Variants in AP1B1 observed in about 807,000 individuals in gnomAD.
AP1B1 encodes the protein adaptor related protein complex 1 subunit beta 1.
AP1B1 carries 36 observed loss-of-function variants against 104.3 expected under a neutral mutation model. The ratio of observed to expected loss-of-function variants is 0.35; its 90% CI spans 0.26 to 0.46. The LOEUF is 0.46. Among genes scored for constraint, AP1B1 ranks in the 20% least tolerant of loss-of-function variants. The pLI, the probability that AP1B1 is intolerant of heterozygous loss-of-function variation, is 1.00. For synonymous variants in AP1B1, 504 were observed against 517.5 expected, an observed-to-expected ratio of 0.97 and a Z score of 0.35; for missense variants, 901 against 1,247.9, an observed-to-expected ratio of 0.72 and a Z score of 4.19.
At chr22:29,351,501 A>G (rs767428107) in intron 8 of AP1B1, 95 of 841,422 alleles carry the variant, frequency 1.1e-4, no homozygotes, top group Non-Finnish European at 1.6e-4. Context: ...AAGGGATGAC[A>G]GGTGATAACA....
chr22:29,382,475 C>T (rs2062452879), intron 1 of AP1B1, among the ~76,000 whole-genome samples: 1 of 152,126 alleles, frequency 6.6e-6, no homozygotes, highest in African/African-American at 2.4e-5. Context: ...GTGAAAGAAA[C>T]AGACAAAAAT....
In AP1B1 at chr22:29,340,709, A is replaced by T. The variant is rs766041175; in HGVS notation, c.1945T>A (p.Ser649Thr). The change falls in exon 14 of 23, where the codon TCC (serine) becomes ACC (threonine). Residue 649 changes from serine to threonine, a missense_variant. Physicochemically the swap from Ser to Thr is moderately conservative, Grantham distance 58. Around this residue, in one of 3 missense-constraint regions of AP1B1, gnomAD observed 424 missense variants for 494.0 expected, o/e 0.86. Coordinates refer to ENST00000357586, the MANE Select transcript of AP1B1 (RefSeq NM_001127.4). ...PPVSGPPLAT[S>T]SVQMGAVDLL... ...TCCACAGCTCCCATCTGCACCGAGG[A>T]GGTGGCCAGGGGTGGGCCGCTCACT... The T allele has an allele frequency of 1.0e-5, 16 of 1,588,966 alleles. No homozygotes were observed. The South Asian group carries it at 1.8e-4, about 18-fold the overall frequency.
In AP1B1 at chr22:29,354,808, C is replaced by A. The variant is rs2147990796; in HGVS notation, c.780G>T (p.Val260=). 1 of 1,614,172 alleles carries A rather than the reference C, an allele frequency of 6.2e-7. No homozygotes were observed. Among genetic ancestry groups the A allele is most frequent in the African/African-American group, 1.3e-5 (1 of 75,018 alleles). The change falls in exon 7 of 23, where the codon GTG becomes GTT. Residue 260 remains valine (V), a synonymous_variant. Transcript: ENST00000357586. Reference sequence around the variant, plus strand: ...TCTCCATGAACTTCATCAGCACCTTCACAGCAGAGAGCACCACAGCGGAGT... The same window carrying A: ...TCTCCATGAACTTCATCAGCACCTTAACAGCAGAGAGCACCACAGCGGAGT... ...HANSAVVLSA[V]KVLMKFMEML...
chr22:29,364,775 C>T (rs1388472009), intron 2 of AP1B1, among the ~76,000 whole-genome samples: 1 of 151,714 alleles, frequency 6.6e-6, no homozygotes, highest in African/African-American at 2.4e-5. Context: ...GCGGTGCGAT[C>T]TCGGCTCACC....
chr22:29,374,572 A>T (rs2062302673), intron 1 of AP1B1, among the ~76,000 whole-genome samples: 1 of 152,250 alleles, frequency 6.6e-6, no homozygotes, highest in Non-Finnish European at 1.5e-5. Context: ...ACTACGGTGA[A>T]ATATAACCTG....
At chr22:29,361,851 G>A (rs1266360025) in intron 3 of AP1B1, among the ~76,000 whole-genome samples, 4 of 151,944 alleles carry the variant, frequency 2.6e-5, no homozygotes, top group African/African-American at 9.7e-5. Context: ...CTGGAGTGCA[G>A]TGGCGTGATC....
chr22:29,338,159 C>G (rs1431153537), intron 16 of AP1B1, among the ~76,000 whole-genome samples: 4 of 152,170 alleles, frequency 2.6e-5, no homozygotes. Context: ...ATGGGGACAA[C>G]CACCCCACAA....
chr22:29,346,156 A>C (rs1336903503), intron 11 of AP1B1, among the ~76,000 whole-genome samples: 1 of 152,238 alleles, frequency 6.6e-6, no homozygotes, highest in Non-Finnish European at 1.5e-5. Context: ...ACTGTGCTCC[A>C]GGCCACACAA....
intron 2 of AP1B1, among the ~76,000 whole-genome samples, chr22:29,366,781 A>G (rs953008925): frequency 2.6e-5 from 4 of 151,364 alleles, no homozygotes; most frequent in African/African-American, 4.8e-5. Context: ...CCTGGGTGAC[A>G]TGAGTGAAAC....
chr22:29,355,266 G>C (rs1369134085), intron 6 of AP1B1, among the ~76,000 whole-genome samples: 2 of 151,738 alleles, frequency 1.3e-5, no homozygotes, highest in Non-Finnish European at 2.9e-5. Flanking sequence ...TGTTCAGCCT[G>C]GGCAAAATCA....
intron 2 of AP1B1, among the ~76,000 whole-genome samples, chr22:29,364,465 C>G (rs1029880624): frequency 6.6e-6 from 1 of 152,242 alleles, no homozygotes; most frequent in Admixed American, 6.5e-5. Context: ...GTCACCCATG[C>G]TGGAGTGCAG....
At chr22:29,332,742 C>T (rs1349982918) in intron 17 of AP1B1, among the ~76,000 whole-genome samples, 1 of 152,218 alleles carries the variant, frequency 6.6e-6, no homozygotes, top group Non-Finnish European at 1.5e-5. Context: ...TGACCCCAGC[C>T]TGTGCTCTGC....
intron 1 of AP1B1, among the ~76,000 whole-genome samples, chr22:29,385,811 T>C (rs16987531): frequency 0.022 from 3,288 of 152,318 alleles, 125 homozygotes; most frequent in African/African-American, 0.075. Context: ...ACCCAAGCCA[T>C]GTTTGCTTAC....
chr22:29,356,414 C>T lies in AP1B1; in HGVS notation c.716+12G>A, dbSNP rs1172044001. 1.9e-6 allele frequency: 3 copies of T among 1,600,508 alleles called. No homozygotes were observed. The highest frequency in any genetic ancestry group is 2.6e-6 in the Non-Finnish European group (3 of 1,170,128). On this transcript the variant is annotated intron_variant, in intron 6 of 22. Coordinates refer to ENST00000357586, the MANE Select transcript of AP1B1 (RefSeq NM_001127.4). ...TCAAGCTGGGCTGGCAAGCAACGGG[C>T]AGCCCGCTCACCTCTGGGCCTCGCG...
chr22:29,332,917 G>A (rs1407720233), intron 17 of AP1B1, among the ~76,000 whole-genome samples: 3 of 152,230 alleles, frequency 2.0e-5, no homozygotes, highest in East Asian at 3.9e-4. Flanking sequence ...AAGGGGTGAT[G>A]GCAGTGACTT....
At chr22:29,355,633 G>GC (rs2061944848) in intron 6 of AP1B1, among the ~76,000 whole-genome samples, 1 of 151,952 alleles carries the variant, frequency 6.6e-6, no homozygotes, top group South Asian at 2.1e-4. Context: ...CTGACACAAC[G>GC]CATGTAAAGA....
At chr22:29,383,051 A>G (rs1602833014) in intron 1 of AP1B1, among the ~76,000 whole-genome samples, 1 of 152,196 alleles carries the variant, frequency 6.6e-6, no homozygotes, top group Non-Finnish European at 1.5e-5. Flanking sequence ...ATTAAAATGA[A>G]GTAAGCAACT....
chr22:29,374,043 C>G (rs1196691905), intron 1 of AP1B1, among the ~76,000 whole-genome samples: 7 of 151,586 alleles, frequency 4.6e-5, no homozygotes, highest in Non-Finnish European at 1.0e-4. Context: ...ACTAAAAATA[C>G]AAAAATTAGC....
chr22:29,338,923 A>G, intron 16 of AP1B1, 67 bp downstream of exon 16: 1 of 1,594,228 alleles, frequency 6.3e-7, no homozygotes, highest in Non-Finnish European at 8.6e-7. Context: ...GGCCATTTAA[A>G]GGAGCCCACA....
Sources: gnomAD v4.1 joint callset for allele counts (sites outside exome capture counted in the v4.1 genomes callset) on GRCh38, gnomAD v4.1.1 for gene constraint, gnomAD v4.1.1 regional missense constraint, MANE v1.5 for transcripts, NCBI Gene and HGNC (gene_info 2026-07-23, HGNC 2026-07-21) for gene names.